The following EIF4E3 variants were observed in gnomAD, a reference collection of about 807,000 sequenced individuals.
The protein encoded by EIF4E3 is eukaryotic translation initiation factor 4E family member 3, also known as eukaryotic translation initiation factor 4E type 3.
In EIF4E3, 26 loss-of-function variants were observed where a neutral mutation model predicts 31.7. That is an observed-to-expected ratio of 0.82 (90% CI 0.60 to 1.14). The LOEUF is 1.14. Among genes scored for constraint, EIF4E3 ranks in the 50% most tolerant of loss-of-function variants. The pLI is 0.00. For missense variants in EIF4E3, 304 were observed against 270.9 expected (o/e 1.12, Z -0.86); for synonymous variants, 128 against 107.7 (o/e 1.19, Z -1.17).
chr3:71,742,161 T>A (rs1344948557), intron 1 of EIF4E3, among the ~76,000 whole-genome samples: 1 of 151,764 alleles, frequency 6.6e-6, no homozygotes, highest in East Asian at 1.9e-4. Context: ...AGAGCAGAAA[T>A]CAATGAAATA....
intron 2 of EIF4E3, among the ~76,000 whole-genome samples, chr3:71,709,579 C>T (rs182803248): frequency 8.7e-4 from 132 of 152,100 alleles, no homozygotes; most frequent in African/African-American, 3.1e-3. Flanking sequence ...AGATGGGGGT[C>T]TATGTTGCCC....
chr3:71,735,715 T>C lies in EIF4E3; in HGVS notation c.-290-7092A>G, dbSNP rs760813675. Reference sequence around the variant, plus strand: ...GGGCCCATGAAGTCACAGCTCTACTTAAGAGGCAGCCTGAAGTTCTTTCTG... The same window carrying C: ...GGGCCCATGAAGTCACAGCTCTACTCAAGAGGCAGCCTGAAGTTCTTTCTG... On this transcript the variant is annotated intron_variant, in intron 1 of 7. Coordinates refer to the EIF4E3 transcript ENST00000295612. Among the ~76,000 whole-genome samples, 27 of 152,062 alleles carry C rather than the reference T, an allele frequency of 1.8e-4. No individual in the cohort carries two copies. In the Middle Eastern group the frequency reaches 0.01, roughly 57 times the overall value.
chr3:71,721,589 T>C (rs1366843172), intron 1 of EIF4E3, among the ~76,000 whole-genome samples: 3 of 152,072 alleles, frequency 2.0e-5, no homozygotes, highest in African/African-American at 7.2e-5. Context: ...GTTTTCGTAA[T>C]AGTGAGTGAG....
At chr3:71,673,937 C>T (rs2048859378), downstream of EIF4E3, among the ~76,000 whole-genome samples, 5 of 141,268 alleles carry the variant, frequency 3.5e-5, no homozygotes, top group South Asian at 1.1e-3. Context: ...ATATAAAAAA[C>T]ATAATATGCA....
intron 6 of EIF4E3, among the ~76,000 whole-genome samples, chr3:71,685,969 T>G (rs1347018181): frequency 6.6e-6 from 1 of 151,948 alleles, no homozygotes; most frequent in Non-Finnish European, 1.5e-5. Flanking sequence ...CCCCTTCCAG[T>G]TCTGTTTTAT....
downstream of EIF4E3, among the ~76,000 whole-genome samples, chr3:71,674,090 CTTTTTTTTTT>C (rs71277509): frequency 2.0e-4 from 5 of 25,068 alleles, no homozygotes; most frequent in South Asian, 1.1e-3. Context: ...ATCAACTGTA[CTTTTTTTTTT>C]TTTTTTTTTT....
At chr3:71,674,726 A>T (rs546980097), downstream of EIF4E3, among the ~76,000 whole-genome samples, 6 of 152,220 alleles carry the variant, frequency 3.9e-5, no homozygotes, top group East Asian at 1.2e-3. Context: ...CATTCTCTTC[A>T]CTGTATGGAT....
At chr3:71,684,857 A>T (rs1205161014) in intron 6 of EIF4E3, 129 bp from the exon 7 acceptor site, 1 of 831,208 alleles carries the variant, frequency 1.2e-6, no homozygotes, top group Non-Finnish European at 1.8e-6. Flanking sequence ...CACCTTATTT[A>T]TTTATTTATT....
Position 71,686,543 on chromosome 3 carries a change from A to AGTGTGTGTGTGTGTGTGTGTGT in EIF4E3, c.629-1837_629-1816dup, listed in dbSNP as rs61264269. 1.1e-3 allele frequency among the ~76,000 whole-genome samples: 159 copies of AGTGTGTGTGTGTGTGTGTGTGT among 143,592 alleles called. 1 individual carries two copies. Among genetic ancestry groups the AGTGTGTGTGTGTGTGTGTGTGT allele is most frequent in the Middle Eastern group, 0.011 (3 of 278 alleles). The allele number at this position is 143,592 out of a possible 152,430, so 94.2% of individuals were successfully genotyped here. On this transcript the variant is annotated intron_variant, in intron 6 of 6. Coordinates refer to ENST00000425534, the MANE Select transcript of EIF4E3 (RefSeq NM_001134651.2). ...TTAACTTTGCAAATATTTCACATTG[A>AGTGTGTGTGTGTGTGTGTGTGT]GTGTGTGTGTGTGTGTGTGTGTGTG...
At chr3:71,660,875 G>A in the EIF4E3 span, among the ~76,000 whole-genome samples, 2 of 152,088 alleles carry the variant, frequency 1.3e-5, no homozygotes, top group Non-Finnish European at 2.9e-5. Flanking sequence ...GGCCTGACAC[G>A]GGGCAGGCTG....
chr3:71,694,176 A>G (rs1001793134), intron 4 of EIF4E3, among the ~76,000 whole-genome samples: 1 of 152,214 alleles, frequency 6.6e-6, no homozygotes, highest in South Asian at 2.1e-4. Context: ...AGTCTGGTAA[A>G]AGCTAATCTC....
At chr3:71,707,592 A>G (rs1413032283) in intron 2 of EIF4E3, among the ~76,000 whole-genome samples, 1 of 152,170 alleles carries the variant, frequency 6.6e-6, no homozygotes, top group East Asian at 1.9e-4. Context: ...GGCAGTGTTT[A>G]TCAGCCATTT....
rs564596365 is a variant in EIF4E3 at position 71,720,554 on chromosome 3, T to C, written c.176+4638A>G. On this transcript the variant is annotated intron_variant, in intron 1 of 6. Coordinates refer to ENST00000425534, the MANE Select transcript of EIF4E3 (RefSeq NM_001134651.2). ...CCACCACCTCTCAAAGCTGCTCTGG[T>C]AGACGTAGTGGTGGAGATCCAGAAT... 3.3e-5 allele frequency among the ~76,000 whole-genome samples: 5 copies of C among 152,256 alleles called. No individual in the cohort carries two copies. In the East Asian group the frequency reaches 9.6e-4, roughly 29 times the overall value.
At chr3:71,728,670 T>C (rs1163739455), upstream of EIF4E3, 1 of 152,622 alleles carries the variant, frequency 6.6e-6, no homozygotes, top group Non-Finnish European at 1.5e-5. Context: ...CATAAATAAT[T>C]AAGCAATTAG....
chr3:71,752,739 T>C (rs7617028), intron 1 of EIF4E3, among the ~76,000 whole-genome samples: 14,742 of 152,126 alleles, frequency 0.097, 1,115 homozygotes, highest in African/African-American at 0.22. Flanking sequence ...AAATTATAAG[T>C]GCTAAGAAGG....
chr3:71,701,510 C>G (rs9790291), intron 2 of EIF4E3, among the ~76,000 whole-genome samples: 56,883 of 151,974 alleles, frequency 0.37, 11,359 homozygotes, highest in African/African-American at 0.52. Flanking sequence ...TGAATGCTAT[C>G]CACAGAATTA....
intron 1 of EIF4E3, among the ~76,000 whole-genome samples, chr3:71,746,924 T>C (rs2049879673): frequency 6.6e-6 from 1 of 152,208 alleles, no homozygotes; most frequent in African/African-American, 2.4e-5. Flanking sequence ...GAGCACAGTA[T>C]TTTCAAGGTT....
At chr3:71,738,946 C>T (rs2108147511) in intron 1 of EIF4E3, among the ~76,000 whole-genome samples, 1 of 129,772 alleles carries the variant, frequency 7.7e-6, no homozygotes, top group East Asian at 2.3e-4. Context: ...GAAAAAGAAC[C>T]AGAAAATTTC....
Position 71,725,259 on chromosome 3 carries a change from G to A in EIF4E3, c.109C>T (p.Leu37=). The change falls in exon 1 of 7, where the codon CTG becomes TTG. Residue 37 remains leucine, a synonymous_variant. Coordinates refer to ENST00000425534, the MANE Select transcript of EIF4E3 (RefSeq NM_001134651.2). The surrounding 1 kb of genome is among the most constrained non-coding windows in gnomAD (Gnocchi z 6.1). ...APEPPLGLQQ[L]SALQPEPGGV... Reference sequence around the variant, plus strand: ...CCCGGCTCAGGCTGCAGCGCCGACAGCTGCTGCAGGCCGAGCGGCGGCTCG... The same window carrying A: ...CCCGGCTCAGGCTGCAGCGCCGACAACTGCTGCAGGCCGAGCGGCGGCTCG... 3 of 1,048,860 alleles carry A rather than the reference G, an allele frequency of 2.9e-6. No individual in the cohort carries two copies. The highest frequency in any genetic ancestry group is 3.4e-6 in the Non-Finnish European group (3 of 872,796). The allele number at this position is 1,048,860 out of a possible 1,614,324, so 65.0% of individuals were successfully genotyped here.
Sources: gnomAD v4.1 joint callset for allele counts (sites outside exome capture counted in the v4.1 genomes callset) on GRCh38, gnomAD v4.1.1 for gene constraint, Gnocchi (gnomAD v3.1) non-coding constraint, MANE v1.5 for transcripts, NCBI Gene and HGNC (gene_info 2026-07-23, HGNC 2026-07-21) for gene names.